The following ANKRD28 variants were observed in gnomAD, a reference collection of about 807,000 sequenced individuals.
ANKRD28 encodes ankyrin repeat domain 28, also known as serine/threonine-protein phosphatase 6 regulatory ankyrin repeat subunit A.
A neutral mutation model predicts 126.5 loss-of-function variants in ANKRD28; 44 were observed. That is an observed-to-expected ratio of 0.35 (90% CI 0.27 to 0.45). The LOEUF (loss-of-function observed/expected upper bound fraction) is 0.45, where lower values mean the gene tolerates loss of function less well. ANKRD28 is among the 20% of genes least tolerant of loss of function. The pLI is 1.00. For synonymous variants in ANKRD28, 442 were observed against 468.5 expected, an observed-to-expected ratio of 0.94 and a Z score of 0.73; for missense variants, 1,110 against 1,316.6, an observed-to-expected ratio of 0.84 and a Z score of 2.43.
intron 4 of ANKRD28, among the ~76,000 whole-genome samples, chr3:15,742,307 G>A (rs2057103780): frequency 6.6e-6 from 1 of 151,464 alleles, no homozygotes; most frequent in Non-Finnish European, 1.5e-5. Context: ...CCTCTTCCCG[G>A]CTGCCATCCC....
chr3:15,696,194 C>T lies in ANKRD28; in HGVS notation c.1599G>A (p.Lys533=), dbSNP rs190593875. The T allele has an allele frequency of 5.6e-6, 9 of 1,593,104 alleles. No individual in the cohort carries two copies. The highest frequency in any genetic ancestry group is 7.7e-6 in the Non-Finnish European group (9 of 1,167,740). ...AATAATGAACTGCGTTGTATCCTTGCTTATCACGGATCCCTGGATTTGCAT... is the reference window on the plus strand; with the variant it reads ...AATAATGAACTGCGTTGTATCCTTGTTTATCACGGATCCCTGGATTTGCAT... ...RNDANPGIRD[K]QGYNAVHYSA... is the part of the protein sequence containing the mutation. The change falls in exon 15 of 28, where the codon AAG becomes AAA. Residue 533 remains lysine, a synonymous_variant. Coordinates refer to ENST00000683139, the MANE Select transcript of ANKRD28 (RefSeq NM_001349278.2).
At chr3:15,761,097 T>C (rs1277339321) in intron 3 of ANKRD28, among the ~76,000 whole-genome samples, 2 of 152,204 alleles carry the variant, frequency 1.3e-5, no homozygotes, top group South Asian at 2.1e-4. Flanking sequence ...ACTCTTGCTA[T>C]GGATATCGCA....
chr3:15,780,755 G>A (rs1019901700), intron 2 of ANKRD28, among the ~76,000 whole-genome samples: 8 of 152,114 alleles, frequency 5.3e-5, no homozygotes, highest in Non-Finnish European at 1.0e-4. Flanking sequence ...AGAAAGCCCA[G>A]AAATAAATTC....
intron 1 of ANKRD28, among the ~76,000 whole-genome samples, chr3:15,821,729 C>T (rs1559573369): frequency 6.6e-6 from 1 of 152,162 alleles, no homozygotes; most frequent in Non-Finnish European, 1.5e-5. Context: ...ACTCCCAACT[C>T]CCCCTACATG....
chr3:15,676,924 T>C (rs1286397646), intron 26 of ANKRD28, 50 bp downstream of exon 26: 2 of 1,476,804 alleles, frequency 1.4e-6, no homozygotes, highest in Non-Finnish European at 1.9e-6. Flanking sequence ...CATTTATCAT[T>C]TTTATAATTA....
intron 27 of ANKRD28, among the ~76,000 whole-genome samples, chr3:15,673,087 CTT>C (rs2125605173): frequency 6.6e-6 from 1 of 152,292 alleles, no homozygotes; most frequent in Non-Finnish European, 1.5e-5. Context: ...AGTTTTATCT[CTT>C]AACATGCCAC....
At chr3:15,738,868 G>A (rs973667699) in intron 4 of ANKRD28, 2 of 152,214 alleles carry the variant, frequency 1.3e-5, no homozygotes, top group Non-Finnish European at 2.9e-5. Flanking sequence ...TTATCTGCAA[G>A]TGTAAAAAGA....
At chr3:15,725,123 T>C (rs1449812493) in intron 6 of ANKRD28, among the ~76,000 whole-genome samples, 4 of 152,180 alleles carry the variant, frequency 2.6e-5, no homozygotes, top group Non-Finnish European at 5.9e-5. Flanking sequence ...ACTGAAAATA[T>C]TTGAAAACAT....
chr3:15,761,952 G>A (rs1375564484), intron 3 of ANKRD28, among the ~76,000 whole-genome samples: 5 of 152,014 alleles, frequency 3.3e-5, no homozygotes, highest in Admixed American at 6.6e-5. Context: ...TTGGGAGGCC[G>A]TGGTGGGTGG....
At position 15,833,590 on chromosome 3, in the gene ANKRD28, T is replaced by G. The variant is rs1015944359; in HGVS notation, c.27+25787A>C. Among the ~76,000 whole-genome samples the G allele has an allele frequency of 4.0e-5, 6 of 150,920 alleles. No homozygotes were observed. In the East Asian group the frequency reaches 1.2e-3, roughly 29 times the overall value. On this transcript the variant is annotated intron_variant, in intron 1 of 27. Transcript: ENST00000399451. The surrounding 1 kb of genome is among the most constrained non-coding windows in gnomAD (Gnocchi z 4.4). ...GTATATATATATCTCCTATTAGTTC[T>G]GTCCCTCTAGAGAACCCTAATACAG...
chr3:15,729,360 G>A (rs1016641468), intron 6 of ANKRD28, among the ~76,000 whole-genome samples: 4 of 152,036 alleles, frequency 2.6e-5, no homozygotes, highest in Non-Finnish European at 1.5e-5. Flanking sequence ...TATTATACTA[G>A]TCCTTGAAGA....
rs753679825 is a variant in ANKRD28 at position 15,754,491 on chromosome 3, T to TA, written c.281-2672dup. On this transcript the variant is annotated intron_variant, in intron 3 of 27. Transcript: ENST00000683139. ...TAAGTGAAAAGATGTAAGTTCTCAA[T>TA]AAAAAAAAAATCATGCTGAGGTTGC... Among the ~76,000 whole-genome samples the TA allele has an allele frequency of 3.5e-3, 516 of 148,066 alleles. 3 individuals carry two copies. The highest frequency in any genetic ancestry group is 6.9e-3 in the Middle Eastern group (2 of 288).
intron 1 of ANKRD28, among the ~76,000 whole-genome samples, chr3:15,834,083 A>G (rs2061269113): frequency 6.6e-6 from 1 of 151,848 alleles, no homozygotes; most frequent in Admixed American, 6.6e-5. Context: ...GCTTTTTTAA[A>G]ATTGTCTCAT....
chr3:15,777,871 CA>C (rs1465494473), intron 2 of ANKRD28, among the ~76,000 whole-genome samples: 12 of 150,330 alleles, frequency 8.0e-5, no homozygotes, highest in African/African-American at 2.7e-4. Context: ...CACACACACA[CA>C]CACACACACA....
intron 1 of ANKRD28, among the ~76,000 whole-genome samples, chr3:15,832,050 T>C (rs1253171848): frequency 6.6e-6 from 1 of 152,192 alleles, no homozygotes; most frequent in Non-Finnish European, 1.5e-5. Flanking sequence ...GTCCACTATA[T>C]GCCAAAGCAT....
At position 15,838,645 on chromosome 3, in the gene ANKRD28, G is replaced by A. The variant is rs1284520285; in HGVS notation, c.27+20732C>T. On this transcript the variant is annotated intron_variant, in intron 1 of 27. Transcript: ENST00000399451. The surrounding 1 kb of genome is among the most constrained non-coding windows in gnomAD (Gnocchi z 4.0). ...TGCCTGTAATCCCAGCTACTTGGGA[G>A]GCTGAGGCAGGAGAACTACTTGAAC... 6.6e-6 allele frequency among the ~76,000 whole-genome samples: 1 copy of A among 152,042 alleles called. No individual in the cohort carries two copies. Among genetic ancestry groups the A allele is most frequent in the Non-Finnish European group, 1.5e-5 (1 of 68,028 alleles).
At chr3:15,754,451 G>A (rs2058048805) in intron 3 of ANKRD28, among the ~76,000 whole-genome samples, 1 of 152,068 alleles carries the variant, frequency 6.6e-6, no homozygotes, top group Non-Finnish European at 1.5e-5. Context: ...AAAAGAAGCA[G>A]TAAAATGCTT....
exon 1 of ANKRD28, chr3:15,859,526 G>A: frequency 1.1e-5 from 10 of 892,080 alleles, no homozygotes; most frequent in South Asian, 1.9e-5. Flanking sequence ...CGGGTCCGCG[G>A]CCGACTGCGC....
chr3:15,817,006 G>A lies in ANKRD28; in HGVS notation c.28-21700C>T, dbSNP rs1181084058. On this transcript the variant is annotated intron_variant, in intron 1 of 27. Transcript: ENST00000399451. The surrounding 1 kb of genome is among the most constrained non-coding windows in gnomAD (Gnocchi z 4.5). ...AGCTCAGGAGTTGGAGACCAGCCTG[G>A]ACAACACAGCAAAACCCTGTCTCTG... is the stretch of plus-strand genomic sequence containing the variant. Among the ~76,000 whole-genome samples, 2 of 152,008 alleles carry A rather than the reference G, an allele frequency of 1.3e-5. No individual in the cohort carries two copies. Among genetic ancestry groups the A allele is most frequent in the African/African-American group, 2.4e-5 (1 of 41,368 alleles).
Sources: gnomAD v4.1 joint callset for allele counts (sites outside exome capture counted in the v4.1 genomes callset) on GRCh38, gnomAD v4.1.1 for gene constraint, Gnocchi (gnomAD v3.1) non-coding constraint, MANE v1.5 for transcripts, NCBI Gene and HGNC (gene_info 2026-07-23, HGNC 2026-07-21) for gene names.